CHST9: variants seen among roughly 807,000 people sequenced by gnomAD.
CHST9 encodes carbohydrate sulfotransferase 9, also known as GalNAc-4-sulfotransferase 2.
CHST9 carries 41 observed loss-of-function variants against 44.4 expected under a neutral mutation model. That is an observed-to-expected ratio of 0.92 (90% CI 0.72 to 1.20). The LOEUF (loss-of-function observed/expected upper bound fraction) is 1.20. Among genes scored for constraint, CHST9 ranks in the 50% most tolerant of loss-of-function variants. CHST9 has a pLI of 0.00. For synonymous variants in CHST9, 171 were observed against 178.4 expected, an observed-to-expected ratio of 0.96 and a Z score of 0.33; for missense variants, 504 against 516.5, an observed-to-expected ratio of 0.98 and a Z score of 0.23.
At chr18:27,180,943 G>T (rs1011854410) in intron 1 of CHST9, among the ~76,000 whole-genome samples, 1 of 151,632 alleles carries the variant, frequency 6.6e-6, no homozygotes, top group African/African-American at 2.4e-5. Context: ...TTTAAAAAAT[G>T]TCATGCCTTA....
At chr18:27,152,149 C>T (rs1418510217) in intron 1 of CHST9, among the ~76,000 whole-genome samples, 1 of 152,146 alleles carries the variant, frequency 6.6e-6, no homozygotes, top group Non-Finnish European at 1.5e-5. Context: ...TTTATAGGTG[C>T]TTCCTTATAC....
At position 26,917,192 on chromosome 18, in the gene CHST9, A is replaced by C. The variant is rs2055549509; in HGVS notation, c.399T>G (p.Ile133Met). ...CAGTCTTAGCTCCTTGACGTTTTTC[A>C]ATCAACTTCTCTGTTGGTGACCCTG... ...KSTGSPTEKLIEKRQGAKTVF... is the reference protein window; with the variant it reads ...KSTGSPTEKLMEKRQGAKTVF... Residue 133 changes from isoleucine (I) to methionine (M), a missense_variant, in exon 6 of 6, where the codon ATT becomes ATG. Transcript: ENST00000618847. The C allele has an allele frequency of 6.2e-7, 1 of 1,613,938 alleles. No individual in the cohort carries two copies. Among genetic ancestry groups the C allele is most frequent in the African/African-American group, 1.3e-5 (1 of 75,014 alleles).
At position 26,911,841 on chromosome 18, in the gene CHST9, T is replaced by C. The variant is rs1437201899; in HGVS notation, c.*4418A>G. On this transcript the variant is annotated 3_prime_UTR_variant, in exon 6 of 6. Coordinates refer to ENST00000618847, the MANE Select transcript of CHST9 (RefSeq NM_031422.6). Reference sequence around the variant, plus strand: ...TCTGCCATCTTCTAGCAAGAGCTTATTTATTTTCACCTGGTTTCATGGTGT... The same window carrying C: ...TCTGCCATCTTCTAGCAAGAGCTTACTTATTTTCACCTGGTTTCATGGTGT... 7.9e-6 allele frequency: 1 copy of C among 127,038 alleles called. No homozygotes were observed. The highest frequency in any genetic ancestry group is 1.6e-5 in the Non-Finnish European group (1 of 61,220). 7.9% of individuals were successfully genotyped at this position (127,038 alleles called of 1,614,324 possible). A position where few individuals can be genotyped will look rare whatever the true frequency, so the allele number is the denominator to read the frequency against.
chr18:26,957,973 G>T (rs185994170), intron 4 of CHST9, among the ~76,000 whole-genome samples: 1 of 151,692 alleles, frequency 6.6e-6, no homozygotes, highest in Admixed American at 6.6e-5. Flanking sequence ...TACAACCTCC[G>T]CCTCCTGGGT....
intron 3 of CHST9, among the ~76,000 whole-genome samples, chr18:27,035,069 G>C (rs2057377255): frequency 6.6e-6 from 1 of 152,110 alleles, no homozygotes; most frequent in Non-Finnish European, 1.5e-5. Flanking sequence ...AATTTTTTGA[G>C]GAATTTCCAT....
intron 4 of CHST9, among the ~76,000 whole-genome samples, chr18:26,959,843 T>C (rs2056376751): frequency 6.6e-6 from 1 of 152,074 alleles, no homozygotes; most frequent in Non-Finnish European, 1.5e-5. Flanking sequence ...AATGGTACCC[T>C]AGGAAGATTA....
At chr18:27,071,895 T>G (rs1181208940) in intron 2 of CHST9, among the ~76,000 whole-genome samples, 1 of 152,242 alleles carries the variant, frequency 6.6e-6, no homozygotes, top group African/African-American at 2.4e-5. Context: ...TAGTCTCTCA[T>G]CTTCCCCTTT....
Position 27,022,064 on chromosome 18 carries a change from C to T in CHST9, c.202+2052G>A, listed in dbSNP as rs551847546. Among the ~76,000 whole-genome samples the T allele has an allele frequency of 1.6e-3, 243 of 152,238 alleles. 1 individual carries two copies. Among genetic ancestry groups the T allele is most frequent in the Non-Finnish European group, 2.7e-3 (186 of 68,010 alleles). On this transcript the variant is annotated intron_variant, in intron 4 of 5. Coordinates refer to ENST00000618847, the MANE Select transcript of CHST9 (RefSeq NM_031422.6). ...CAAGTGCATTGTAGTTTATAAAATG[C>T]CTCCACATGTGTTATGAAGTTCTCT... is the stretch of plus-strand genomic sequence containing the variant.
At chr18:26,937,533 G>T (rs1356106904) in intron 5 of CHST9, among the ~76,000 whole-genome samples, 2 of 152,116 alleles carry the variant, frequency 1.3e-5, no homozygotes, top group Non-Finnish European at 2.9e-5. Flanking sequence ...CACATTTGAG[G>T]GCTGCCACTC....
intron 4 of CHST9, among the ~76,000 whole-genome samples, chr18:26,983,106 G>C (rs2056712444): frequency 6.6e-6 from 1 of 152,150 alleles, no homozygotes; most frequent in African/African-American, 2.4e-5. Context: ...CTGTCAATAA[G>C]CAATCACTGG....
chr18:27,078,658 T>G (rs2057931079), intron 2 of CHST9, among the ~76,000 whole-genome samples: 1 of 152,172 alleles, frequency 6.6e-6, no homozygotes, highest in African/African-American at 2.4e-5. Flanking sequence ...GCTGTCCAGA[T>G]GGCCCCAGAG....
At chr18:27,019,287 G>A (rs149525930) in intron 4 of CHST9, among the ~76,000 whole-genome samples, 41 of 152,198 alleles carry the variant, frequency 2.7e-4, no homozygotes, top group Non-Finnish European at 4.6e-4. Flanking sequence ...AAAATCACAC[G>A]GCACTGCAGT....
At chr18:27,168,074 C>A (rs1257292575) in intron 1 of CHST9, among the ~76,000 whole-genome samples, 2 of 113,486 alleles carry the variant, frequency 1.8e-5, no homozygotes, top group African/African-American at 3.3e-5. Context: ...AAAGATTATA[C>A]CTATTTTTTT....
chr18:27,140,098 T>G (rs1474010687), intron 2 of CHST9, among the ~76,000 whole-genome samples: 1 of 152,220 alleles, frequency 6.6e-6, no homozygotes, highest in Non-Finnish European at 1.5e-5. Flanking sequence ...TGAGTCTCCC[T>G]TGCTTCATCT....
chr18:26,965,541 G>A (rs1244013735), intron 4 of CHST9, among the ~76,000 whole-genome samples: 4 of 152,122 alleles, frequency 2.6e-5, no homozygotes, highest in Non-Finnish European at 4.4e-5. Context: ...AAGTCTGAGC[G>A]CTACCACCAT....
At chr18:27,002,588 A>G (rs879542408) in intron 4 of CHST9, among the ~76,000 whole-genome samples, 3 of 152,186 alleles carry the variant, frequency 2.0e-5, no homozygotes, top group Admixed American at 6.5e-5. Flanking sequence ...TTTGTGTTAG[A>G]TGATTTTGCC....
chr18:26,960,283 AT>A (rs1275178858), intron 4 of CHST9, among the ~76,000 whole-genome samples: 1 of 152,158 alleles, frequency 6.6e-6, no homozygotes, highest in Non-Finnish European at 1.5e-5. Context: ...AAATGGTTGT[AT>A]TTTATTTATA....
At chr18:26,925,185 T>A (rs1183919546) in intron 5 of CHST9, among the ~76,000 whole-genome samples, 1 of 152,054 alleles carries the variant, frequency 6.6e-6, no homozygotes, top group East Asian at 1.9e-4. Flanking sequence ...GGCTCGCAGG[T>A]GAGGGAGGGT....
rs2055485957 is a variant in CHST9, at chr18:26,914,567, T to C, written c.*1692A>G. Reference sequence around the variant, plus strand: ...TGTATGGTCTAGAGGCAAGAGTTAATGGCATGGAAAAGTAGTAAAAGGTTG... The same window carrying C: ...TGTATGGTCTAGAGGCAAGAGTTAACGGCATGGAAAAGTAGTAAAAGGTTG... On this transcript the variant is annotated 3_prime_UTR_variant, in exon 6 of 6. Transcript: ENST00000618847. The C allele has an allele frequency of 5.4e-6, 1 of 185,668 alleles. No homozygotes were observed. Among genetic ancestry groups the C allele is most frequent in the Admixed American group, 6.2e-5 (1 of 16,230 alleles). The allele number at this position is 185,668 out of a possible 1,614,324, so 11.5% of individuals were successfully genotyped here.
Sources: gnomAD v4.1 joint callset for allele counts (sites outside exome capture counted in the v4.1 genomes callset) on GRCh38, gnomAD v4.1.1 for gene constraint, MANE v1.5 for transcripts, NCBI Gene and HGNC (gene_info 2026-07-23, HGNC 2026-07-21) for gene names.